FREM2: variants seen among roughly 807,000 people sequenced by gnomAD.
FREM2 encodes the protein FRAS1-related extracellular matrix protein 2.
In FREM2, 119 loss-of-function variants were observed where a neutral mutation model predicts 219.9. The observed-to-expected ratio is 0.54, with a 90% CI of 0.47 to 0.63. FREM2 has a LOEUF of 0.63. Ranked by LOEUF, FREM2 falls within the 30% of genes least tolerant of loss-of-function variation. The pLI is 0.00. For missense variants in FREM2, 4,030 were observed against 3,993.6 expected, an observed-to-expected ratio of 1.01 and a Z score of -0.25; for synonymous variants, 1,562 against 1,522.8, an observed-to-expected ratio of 1.03 and a Z score of -0.60.
Position 38,864,406 on chromosome 13 carries a change from T to C in FREM2, c.7783T>C (p.Phe2595Leu), listed in dbSNP as rs756935047. Residue 2595 changes from phenylalanine to leucine, a missense_variant, in exon 16 of 24, where the codon TTC becomes CTC. Transcript: ENST00000280481. ...DYTEVKTHYGFLTDATKNPEI... is the reference protein window; with the variant it reads ...DYTEVKTHYGLLTDATKNPEI... Reference sequence around the variant, plus strand: ...TACTGAAGTGAAGACTCATTATGGTTTCTTGACTGATGCTACCAAAAATCC... The same window carrying C: ...TACTGAAGTGAAGACTCATTATGGTCTCTTGACTGATGCTACCAAAAATCC... 1.2e-6 allele frequency: 2 copies of C among 1,614,134 alleles called. No individual in the cohort carries two copies. The highest frequency in any genetic ancestry group is 1.7e-6 in the Non-Finnish European group (2 of 1,179,982).
intron 2 of FREM2, among the ~76,000 whole-genome samples, chr13:38,715,754 A>C (rs1202848576): frequency 6.6e-6 from 1 of 152,186 alleles, no homozygotes; most frequent in African/African-American, 2.4e-5. Context: ...AGAATGATAG[A>C]AATCCTATCT....
At position 38,690,411 on chromosome 13, in the gene FREM2, A is replaced by T. The variant is rs1382593151; in HGVS notation, c.3067A>T (p.Ile1023Leu). 3.7e-6 allele frequency: 6 copies of T among 1,614,050 alleles called. No homozygotes were observed. The highest frequency in any genetic ancestry group is 1.6e-4 in the Middle Eastern group (1 of 6,084). Reference protein sequence around the residue: ...SVVYTHTSGEIGLLPKADSFN... With the variant: ...SVVYTHTSGELGLLPKADSFN... ...TGTATATACCCACACCAGTGGTGAG[A>T]TAGGCCTATTGCCTAAAGCGGATTC... The change falls in exon 1 of 24, where the codon ATA (isoleucine) becomes TTA (leucine). Residue 1023 changes from isoleucine (I) to leucine (L), a missense_variant. Physicochemically the swap from Ile to Leu is conservative, Grantham distance 5. Around this residue, in one of 2 missense-constraint regions of FREM2, gnomAD observed 3,102 missense variants for 2,950.7 expected, o/e 1.05. Transcript: ENST00000280481.
At chr13:38,726,625 T>G (rs1480564423) in intron 2 of FREM2, among the ~76,000 whole-genome samples, 1 of 152,162 alleles carries the variant, frequency 6.6e-6, no homozygotes, top group Non-Finnish European at 1.5e-5. Flanking sequence ...CCAGATACCC[T>G]TGGAAAAATG....
chr13:38,838,638 T>C (rs1189872969), intron 6 of FREM2, among the ~76,000 whole-genome samples: 1 of 152,228 alleles, frequency 6.6e-6, no homozygotes, highest in Non-Finnish European at 1.5e-5. Flanking sequence ...GACCCATATT[T>C]CTTGGAGGCT....
chr13:38,775,569 C>T (rs554934852), intron 4 of FREM2, among the ~76,000 whole-genome samples: 1 of 152,276 alleles, frequency 6.6e-6, no homozygotes, highest in South Asian at 2.1e-4. Flanking sequence ...TCTCCATTTA[C>T]AAAACAAAAA....
At chr13:38,798,700 T>A (rs1487921674) in intron 6 of FREM2, among the ~76,000 whole-genome samples, 1 of 152,082 alleles carries the variant, frequency 6.6e-6, no homozygotes, top group Non-Finnish European at 1.5e-5. Context: ...CCTGGTAGGT[T>A]GTATATTTTC....
At chr13:38,724,929 A>T (rs929252179) in intron 2 of FREM2, among the ~76,000 whole-genome samples, 1 of 152,216 alleles carries the variant, frequency 6.6e-6, no homozygotes, top group Non-Finnish European at 1.5e-5. Context: ...TGATAAACAT[A>T]CTTGGGTAAC....
At chr13:38,738,877 G>A (rs1374150526) in intron 2 of FREM2, among the ~76,000 whole-genome samples, 1 of 152,218 alleles carries the variant, frequency 6.6e-6, no homozygotes, top group Non-Finnish European at 1.5e-5. Flanking sequence ...GTGTCACACT[G>A]TTAAGATAAT....
intron 6 of FREM2, among the ~76,000 whole-genome samples, chr13:38,799,413 A>G (rs1874923958): frequency 6.6e-6 from 1 of 152,012 alleles, no homozygotes; most frequent in African/African-American, 2.4e-5. Flanking sequence ...GTTCCATGTA[A>G]TGATGAGAAT....
chr13:38,856,194 G>C lies in FREM2; in HGVS notation c.6994G>C (p.Glu2332Gln). The C allele has an allele frequency of 6.2e-7, 1 of 1,612,460 alleles. No homozygotes were observed. The highest frequency in any genetic ancestry group is 8.5e-7 in the Non-Finnish European group (1 of 1,178,576). ...CGAAGTTACCTTTGACGGGGTGAGAGAGATGAGAGAGGCCTTCACTGTTCA... is the reference window on the plus strand; with the variant it reads ...CGAAGTTACCTTTGACGGGGTGAGACAGATGAGAGAGGCCTTCACTGTTCA... ...EIEVTFDGVR[E>Q]MREAFTVHLK... The change falls in exon 12 of 24, where the codon GAG becomes CAG. Residue 2332 changes from glutamate to glutamine, a missense_variant. By Grantham distance (29) the Glu-to-Gln change is conservative. Around this residue, in one of 2 missense-constraint regions of FREM2, gnomAD observed 3,102 missense variants for 2,950.7 expected, o/e 1.05. Coordinates refer to ENST00000280481, the MANE Select transcript of FREM2 (RefSeq NM_207361.6).
chr13:38,708,008 A>G (rs1305792679), intron 2 of FREM2, among the ~76,000 whole-genome samples: 1 of 152,186 alleles, frequency 6.6e-6, no homozygotes, highest in African/African-American at 2.4e-5. Context: ...GTTGAGTAGG[A>G]TTCCCACACA....
chr13:38,700,272 T>C (rs1337841599), intron 2 of FREM2, among the ~76,000 whole-genome samples: 1 of 152,114 alleles, frequency 6.6e-6, no homozygotes, highest in East Asian at 1.9e-4. Context: ...TCTTCTGTTA[T>C]GATGTAGTAA....
intron 2 of FREM2, among the ~76,000 whole-genome samples, chr13:38,731,343 A>C (rs1251671464): frequency 6.6e-6 from 1 of 152,242 alleles, no homozygotes; most frequent in Non-Finnish European, 1.5e-5. Context: ...CTTTTAAAAC[A>C]GCATAGAGAT....
rs1877766983 is a variant in FREM2, at chr13:38,861,628, C to T, written c.7651+66C>T. Reference sequence around the variant, plus strand: ...ACTCCTCATTACCTGTTGTATTTTCCTTCATCTTCTAAATAACCAAGCTTA... The same window carrying T: ...ACTCCTCATTACCTGTTGTATTTTCTTTCATCTTCTAAATAACCAAGCTTA... On this transcript the variant is annotated intron_variant, in intron 15 of 23. Transcript: ENST00000280481. 1.9e-6 allele frequency: 3 copies of T among 1,547,552 alleles called. No individual in the cohort carries two copies. The South Asian group carries it at 3.3e-5, about 17-fold the overall frequency.
chr13:38,705,733 GGTAGCTGCTGCTGCT>G (rs1309980176), intron 2 of FREM2, among the ~76,000 whole-genome samples: 1 of 152,170 alleles, frequency 6.6e-6, no homozygotes. Context: ...CAACTATGCA[GGTAGCTGCTGCTGCT>G]GTAGCTGCTA....
At chr13:38,830,437 A>C (rs933433480) in intron 6 of FREM2, among the ~76,000 whole-genome samples, 1 of 152,108 alleles carries the variant, frequency 6.6e-6, no homozygotes, top group Non-Finnish European at 1.5e-5. Flanking sequence ...TGTTTCTCTG[A>C]ATTGCACTTT....
chr13:38,769,638 A>G lies in FREM2; in HGVS notation c.5471A>G (p.Lys1824Arg). Residue 1824 changes from lysine (K) to arginine (R), a missense_variant, in exon 4 of 24, where the codon AAA becomes AGA. Physicochemically the swap from Lys to Arg is conservative, Grantham distance 26. This residue lies in a region of FREM2 where 3,102 missense variants were observed against 2,950.7 expected (regional missense o/e 1.05). Transcript: ENST00000280481. The stretch of plus-strand genomic sequence containing the variant: ...AAAGACTTCAAGGGCAAAGCACAGA[A>G]ACAAGTGCAGTTCAACCCAGGCCAG... ...KDKDFKGKAQ[K>R]QVQFNPGQTR... 1 of 1,614,200 alleles carries G rather than the reference A, an allele frequency of 6.2e-7. No homozygotes were observed. The highest frequency in any genetic ancestry group is 1.1e-5 in the South Asian group (1 of 91,088).
At position 38,689,377 on chromosome 13, in the gene FREM2, A is replaced by G. The variant is rs749349416; in HGVS notation, c.2033A>G (p.His678Arg). Residue 678 changes from histidine to arginine, a missense_variant, in exon 1 of 24, where the codon CAT (histidine) becomes CGT (arginine). Physicochemically the swap from His to Arg is conservative, Grantham distance 29. This residue lies in a region of FREM2 where 3,102 missense variants were observed against 2,950.7 expected (regional missense o/e 1.05). Transcript: ENST00000280481. ...DQFTFRVQDN[H>R]DPPNQSGLQR... ...TTCACATTTAGAGTCCAGGATAACC[A>G]TGACCCTCCTAATCAGTCCGGGCTA... 1.9e-6 allele frequency: 3 copies of G among 1,614,046 alleles called. No homozygotes were observed. The East Asian group carries it at 6.7e-5, about 36-fold the overall frequency.
At chr13:38,744,398 CT>C (rs1226177632) in intron 2 of FREM2, among the ~76,000 whole-genome samples, 2 of 151,216 alleles carry the variant, frequency 1.3e-5, no homozygotes, top group African/African-American at 4.9e-5. Flanking sequence ...GAGATGGTGT[CT>C]CACTATGTTG....
Sources: gnomAD v4.1 joint callset for allele counts (sites outside exome capture counted in the v4.1 genomes callset) on GRCh38, gnomAD v4.1.1 for gene constraint, gnomAD v4.1.1 regional missense constraint, MANE v1.5 for transcripts, NCBI Gene and HGNC (gene_info 2026-07-23, HGNC 2026-07-21) for gene names.